Variants in MVB12B observed in about 807,000 individuals in gnomAD.
The protein encoded by MVB12B is multivesicular body subunit 12B.
MVB12B carries 16 observed loss-of-function variants against 41.6 expected under a neutral mutation model. That is an observed-to-expected ratio of 0.38 (90% CI 0.26 to 0.58). MVB12B has a LOEUF of 0.58. Ranked by LOEUF, MVB12B falls within the 20% of genes least tolerant of loss-of-function variation. The pLI is 0.62. For missense variants in MVB12B, 274 were observed against 380.2 expected, an observed-to-expected ratio of 0.72 and a Z score of 2.32; for synonymous variants, 133 against 139.7, an observed-to-expected ratio of 0.95 and a Z score of 0.34.
At chr9:126,442,320 CAG>C (rs1832660586) in intron 7 of MVB12B, among the ~76,000 whole-genome samples, 2 of 152,296 alleles carry the variant, frequency 1.3e-5, no homozygotes, top group South Asian at 2.1e-4. Flanking sequence ...CTTCCTCCCT[CAG>C]GCTGACATAT....
At chr9:126,405,436 G>A (rs572516417) in intron 6 of MVB12B, among the ~76,000 whole-genome samples, 25 of 152,014 alleles carry the variant, frequency 1.6e-4, no homozygotes, top group Non-Finnish European at 2.6e-4. Flanking sequence ...CTTTAGGGTC[G>A]GTTTTGTGAA....
chr9:126,344,937 T>C (rs1458082230), intron 2 of MVB12B, among the ~76,000 whole-genome samples: 1 of 152,188 alleles, frequency 6.6e-6, no homozygotes, highest in Admixed American at 6.5e-5. Context: ...CCTCAGAACC[T>C]AATCACTTCT....
intron 2 of MVB12B, among the ~76,000 whole-genome samples, chr9:126,356,883 C>T (rs1829894836): frequency 6.6e-6 from 1 of 152,002 alleles, no homozygotes; most frequent in Non-Finnish European, 1.5e-5. Context: ...GTAAAAGCTC[C>T]CTAAGGCCCC....
intron 2 of MVB12B, among the ~76,000 whole-genome samples, chr9:126,355,676 T>A (rs1829862255): frequency 6.6e-6 from 1 of 152,232 alleles, no homozygotes; most frequent in Non-Finnish European, 1.5e-5. Context: ...TTAGGCCGCA[T>A]TCTCTTTAAT....
intron 7 of MVB12B, among the ~76,000 whole-genome samples, chr9:126,479,112 A>G (rs1374728370): frequency 6.7e-6 from 1 of 150,102 alleles, no homozygotes; most frequent in East Asian, 2.2e-4. Context: ...AGTGAGGACC[A>G]TGACAGGTGA....
chr9:126,482,990 G>A (rs994217468), intron 8 of MVB12B, among the ~76,000 whole-genome samples: 2 of 152,256 alleles, frequency 1.3e-5, no homozygotes, highest in Admixed American at 1.3e-4. Context: ...TTTGAGTCTG[G>A]GTCCTCAGAC....
chr9:126,337,838 A>G (rs867662018), intron 1 of MVB12B, among the ~76,000 whole-genome samples: 2 of 152,194 alleles, frequency 1.3e-5, no homozygotes, highest in African/African-American at 2.4e-5. Context: ...GAGGGCCCGC[A>G]TGAATGGCCT....
intron 7 of MVB12B, among the ~76,000 whole-genome samples, chr9:126,442,289 A>G (rs528820164): frequency 3.9e-5 from 6 of 152,260 alleles, no homozygotes; most frequent in African/African-American, 1.4e-4. Flanking sequence ...GGTTCTTTGT[A>G]TCTTCTGGGG....
intron 7 of MVB12B, among the ~76,000 whole-genome samples, chr9:126,437,692 AG>A (rs1564330099): frequency 6.6e-6 from 1 of 152,252 alleles, no homozygotes; most frequent in Non-Finnish European, 1.5e-5. Flanking sequence ...TAGCGTTGAC[AG>A]GCGGGAGTAC....
At chr9:126,433,743 C>T (rs1308692678) in intron 7 of MVB12B, among the ~76,000 whole-genome samples, 3 of 152,114 alleles carry the variant, frequency 2.0e-5, no homozygotes, top group Admixed American at 2.0e-4. Flanking sequence ...GTGAGTATTC[C>T]CTGTGAGTGC....
chr9:126,388,535 T>A (rs1830862867), intron 4 of MVB12B, among the ~76,000 whole-genome samples: 1 of 152,234 alleles, frequency 6.6e-6, no homozygotes, highest in Non-Finnish European at 1.5e-5. Context: ...TGTTTTCGTT[T>A]CTGTTGGGTA....
intron 9 of MVB12B, among the ~76,000 whole-genome samples, chr9:126,498,834 G>A (rs1012722336): frequency 6.6e-6 from 1 of 152,242 alleles, no homozygotes; most frequent in Non-Finnish European, 1.5e-5. Flanking sequence ...GGCTGGAGGG[G>A]CAGTGCACTT....
At position 126,473,737 on chromosome 9, in the gene MVB12B, C is replaced by T. The variant is rs1350708073; in HGVS notation, c.758-7632C>T. ...CACAAGAAATCCTCTCCCCACATAG[C>T]TCAGTCATCTCCCGCCGGGCCCCCT... On this transcript the variant is annotated intron_variant, in intron 7 of 9. Transcript: ENST00000361171. The surrounding 1 kb of genome is among the most constrained non-coding windows in gnomAD (Gnocchi z 4.0). Among the ~76,000 whole-genome samples, 1 of 152,364 alleles carries T rather than the reference C, an allele frequency of 6.6e-6. No individual in the cohort carries two copies. Among genetic ancestry groups the T allele is most frequent in the Admixed American group, 6.5e-5 (1 of 15,308 alleles).
At chr9:126,399,081 C>T (rs531369955) in intron 6 of MVB12B, among the ~76,000 whole-genome samples, 19 of 152,298 alleles carry the variant, frequency 1.2e-4, no homozygotes, top group South Asian at 1.0e-3. Context: ...GTGGTGTCAC[C>T]GGCTTTGGAG....
rs1400026172 is a variant in MVB12B at position 126,340,723 on chromosome 9, T to C, written c.204+93T>C. ...GACCTTCTGGCCCTTGCGTGTAAGA[T>C]GTGCTTCTTCCCTCTAGGAACTTAA... On this transcript the variant is annotated intron_variant, in intron 2 of 9. Coordinates refer to ENST00000361171, the MANE Select transcript of MVB12B (RefSeq NM_033446.3). The surrounding 1 kb of genome is among the most constrained non-coding windows in gnomAD (Gnocchi z 4.0). 7 of 1,441,744 alleles carry C rather than the reference T, an allele frequency of 4.9e-6. No individual in the cohort carries two copies. Among genetic ancestry groups the C allele is most frequent in the Non-Finnish European group, 5.7e-6 (6 of 1,048,424 alleles). 89.3% of individuals were successfully genotyped at this position (1,441,744 alleles called of 1,614,324 possible).
intron 7 of MVB12B, among the ~76,000 whole-genome samples, chr9:126,471,305 T>C (rs1324394420): frequency 1.3e-5 from 2 of 152,336 alleles, no homozygotes; most frequent in Non-Finnish European, 1.5e-5. Context: ...GTTAAGTGAC[T>C]TGCCCAAAGC....
At chr9:126,490,098 G>C (rs1005692860) in intron 9 of MVB12B, among the ~76,000 whole-genome samples, 3 of 152,202 alleles carry the variant, frequency 2.0e-5, no homozygotes, top group Admixed American at 6.5e-5. Context: ...TGGGCGTGAG[G>C]AGATGGGTGT....
intron 1 of MVB12B, among the ~76,000 whole-genome samples, chr9:126,330,639 C>G (rs895474355): frequency 6.6e-6 from 1 of 152,136 alleles, no homozygotes; most frequent in Non-Finnish European, 1.5e-5. Context: ...ATTGACCATC[C>G]TACTCATCTT....
chr9:126,363,388 C>G (rs1252736927), intron 2 of MVB12B, among the ~76,000 whole-genome samples: 2 of 151,924 alleles, frequency 1.3e-5, no homozygotes, highest in African/African-American at 2.4e-5. Context: ...TAGGGAGTGG[C>G]AGGTGATTGG....
Sources: gnomAD v4.1 joint callset for allele counts (sites outside exome capture counted in the v4.1 genomes callset) on GRCh38, gnomAD v4.1.1 for gene constraint, Gnocchi (gnomAD v3.1) non-coding constraint, MANE v1.5 for transcripts, NCBI Gene and HGNC (gene_info 2026-07-23, HGNC 2026-07-21) for gene names.